FAM114A1: variants seen among roughly 807,000 people sequenced by gnomAD.
FAM114A1 encodes the protein protein NOXP20.
Under a neutral mutation model 64.3 loss-of-function variants are expected in FAM114A1, and 62 were observed. The observed-to-expected ratio is 0.96, with a 90% CI of 0.79 to 1.19. FAM114A1 has a LOEUF of 1.19. Ranked by LOEUF, FAM114A1 falls within the 50% of genes most tolerant of loss-of-function variation. The pLI is 0.00. For synonymous variants in FAM114A1, 254 were observed against 251.1 expected (o/e 1.01, Z -0.11); for missense variants, 645 against 676.3 (o/e 0.95, Z 0.51).
At chr4:38,933,789 GA>G (rs1363768899) in intron 12 of FAM114A1, among the ~76,000 whole-genome samples, 2 of 152,118 alleles carry the variant, frequency 1.3e-5, no homozygotes, top group South Asian at 2.1e-4. Flanking sequence ...TAGAGCCCCT[GA>G]AAATATCCAG....
intron 8 of FAM114A1, among the ~76,000 whole-genome samples, chr4:38,921,666 G>A (rs1298500042): frequency 6.6e-6 from 1 of 152,192 alleles, no homozygotes; most frequent in South Asian, 2.1e-4. Context: ...CCTCTGTGAA[G>A]CCCTCCCTGT....
chr4:38,941,996 T>C (rs574675863), intron 14 of FAM114A1, among the ~76,000 whole-genome samples: 7 of 152,128 alleles, frequency 4.6e-5, no homozygotes, highest in African/African-American at 1.4e-4. Context: ...GTCATGGTGG[T>C]AGGTGAAAGG....
chr4:38,913,405 T>G (rs1222026446), intron 7 of FAM114A1, among the ~76,000 whole-genome samples: 1 of 152,188 alleles, frequency 6.6e-6, no homozygotes, highest in Non-Finnish European at 1.5e-5. Flanking sequence ...TTCTTTTTTG[T>G]TTTTTTGTTT....
chr4:38,873,762 G>C (rs931285241), intron 2 of FAM114A1, among the ~76,000 whole-genome samples: 5 of 152,120 alleles, frequency 3.3e-5, no homozygotes. Flanking sequence ...TCTCATTTAA[G>C]GTTTTATAGG....
chr4:38,912,080 C>T lies in FAM114A1; in HGVS notation c.793-2841C>T, dbSNP rs541229411. On this transcript the variant is annotated intron_variant, in intron 7 of 14. Transcript: ENST00000358869. Reference sequence around the variant, plus strand: ...TTCACCATGTTGGCCAGGCTGGTCCCGAACTCCTGACCTCAAGTGATCCAC... The same window carrying T: ...TTCACCATGTTGGCCAGGCTGGTCCTGAACTCCTGACCTCAAGTGATCCAC... 8.0e-4 allele frequency among the ~76,000 whole-genome samples: 122 copies of T among 151,602 alleles called. 1 individual carries two copies. Among genetic ancestry groups the T allele is most frequent in the African/African-American group, 2.8e-3 (116 of 41,320 alleles).
chr4:38,899,397 G>A (rs961607353), intron 4 of FAM114A1, among the ~76,000 whole-genome samples: 2 of 152,070 alleles, frequency 1.3e-5, no homozygotes, highest in African/African-American at 4.8e-5. Context: ...TAGTCTTGGT[G>A]GAACCAACTC....
At chr4:38,917,799 G>T (rs1372377794) in intron 8 of FAM114A1, among the ~76,000 whole-genome samples, 1 of 152,184 alleles carries the variant, frequency 6.6e-6, no homozygotes, top group Non-Finnish European at 1.5e-5. Context: ...GAGGGGAACA[G>T]TTTGCCCATT....
chr4:38,927,412 G>A (rs1720223152), intron 9 of FAM114A1, among the ~76,000 whole-genome samples: 1 of 152,090 alleles, frequency 6.6e-6, no homozygotes, highest in Non-Finnish European at 1.5e-5. Context: ...ATGGTGGAAG[G>A]GACCAGCTAG....
At chr4:38,896,979 T>C (rs1717001010) in intron 4 of FAM114A1, among the ~76,000 whole-genome samples, 1 of 152,144 alleles carries the variant, frequency 6.6e-6, no homozygotes, top group Admixed American at 6.5e-5. Context: ...GAGCTGTCAA[T>C]TGAGCACTAG....
In FAM114A1 at chr4:38,941,001, A is replaced by G; in HGVS notation, c.1570A>G (p.Ile524Val). 14 of 1,614,040 alleles carry G rather than the reference A, an allele frequency of 8.7e-6. No homozygotes were observed. The highest frequency in any genetic ancestry group is 1.2e-5 in the Non-Finnish European group (14 of 1,179,978). The change falls in exon 14 of 15, where the codon ATC (isoleucine) becomes GTC (valine). Residue 524 changes from isoleucine to valine, a missense_variant. By Grantham distance (29) the Ile-to-Val change is conservative. Transcript: ENST00000358869. ...GAAGGCCGAGGTCCTTAACCCCATG[A>G]TCAGTAGTGTATTGTTAGAGGTAAG... is the stretch of plus-strand genomic sequence containing the variant. ...NKKAEVLNPM[I>V]SSVLLEGCNS... is the part of the protein sequence containing the mutation.
rs566206683 is a variant in FAM114A1 at position 38,941,162 on chromosome 4, G to C, written c.1590+141G>C. On this transcript the variant is annotated intron_variant, in intron 14 of 14. Coordinates refer to ENST00000358869, the MANE Select transcript of FAM114A1 (RefSeq NM_138389.4). ...CATCAGGTCTTTTTTGAGTAAATTT[G>C]TGTAGCTCAACCAGCTGTAAACCCT... is the stretch of plus-strand genomic sequence containing the variant. The C allele has an allele frequency of 7.2e-6, 5 of 699,156 alleles. No individual in the cohort carries two copies. In the South Asian group the frequency reaches 9.8e-5, roughly 14 times the overall value. 43.3% of individuals were successfully genotyped at this position (699,156 alleles called of 1,614,324 possible).
rs570364266 is a variant in FAM114A1, at chr4:38,873,910, G to T, written c.-8-4161G>T. 7.2e-5 allele frequency among the ~76,000 whole-genome samples: 11 copies of T among 152,296 alleles called. No individual in the cohort carries two copies. In the East Asian group the frequency reaches 2.1e-3, roughly 29 times the overall value. On this transcript the variant is annotated intron_variant, in intron 2 of 14. Transcript: ENST00000358869. The stretch of plus-strand genomic sequence containing the variant: ...TGAGCAGGAGAGCCATGTAATTAGA[G>T]CCGTGAGGTGAAGGATGGGAAGTAA...
In FAM114A1 at chr4:38,943,563, C is replaced by A; in HGVS notation, c.*6C>A. 6.2e-7 allele frequency: 1 copy of A among 1,612,826 alleles called. No homozygotes were observed. The highest frequency in any genetic ancestry group is 8.5e-7 in the Non-Finnish European group (1 of 1,179,140). ...GTTTGAAAGCACAGCCGTGACCTGG[C>A]CAGACTCCATCTAGTTAAAGGAGAC... On this transcript the variant is annotated 3_prime_UTR_variant, in exon 15 of 15. Transcript: ENST00000358869.
chr4:38,897,239 G>GA (rs1717028249), intron 4 of FAM114A1, among the ~76,000 whole-genome samples: 1 of 152,158 alleles, frequency 6.6e-6, no homozygotes, highest in African/African-American at 2.4e-5. Flanking sequence ...TCTTTGTATG[G>GA]AAAAACGTGG....
rs973066193 is a variant in FAM114A1, at chr4:38,929,345, C to T, written c.1161+12C>T. The T allele has an allele frequency of 6.3e-7, 1 of 1,592,704 alleles. No individual in the cohort carries two copies. ...ACAAACTCAATAAGGTCAGCACTGT[C>T]TGATTTATAGTTTCTGGTTAAAAAA... On this transcript the variant is annotated intron_variant, in intron 10 of 14. Transcript: ENST00000358869.
chr4:38,886,260 C>T (rs1294776080), intron 3 of FAM114A1, among the ~76,000 whole-genome samples: 5 of 151,718 alleles, frequency 3.3e-5, no homozygotes, highest in Non-Finnish European at 7.4e-5. Flanking sequence ...CAACCTCCGC[C>T]TCCTGGGTTT....
chr4:38,919,629 G>T (rs1029758278), intron 8 of FAM114A1, among the ~76,000 whole-genome samples: 4 of 152,216 alleles, frequency 2.6e-5, no homozygotes, highest in African/African-American at 9.6e-5. Context: ...TAAAGGCAGT[G>T]TTGGATTTCC....
intron 4 of FAM114A1, among the ~76,000 whole-genome samples, chr4:38,898,228 G>C (rs553905869): frequency 2.0e-4 from 30 of 152,286 alleles, no homozygotes; most frequent in African/African-American, 7.2e-4. Flanking sequence ...TCTTATGCAA[G>C]AGTACCTGAG....
chr4:38,929,548 C>T (rs890535864), intron 10 of FAM114A1, among the ~76,000 whole-genome samples: 4 of 152,294 alleles, frequency 2.6e-5, no homozygotes, highest in East Asian at 1.9e-4. Context: ...GAGGCCAAGG[C>T]GGGTGGATCA....
Sources: allele counts gnomAD v4.1 joint callset (sites outside exome capture counted in the v4.1 genomes callset), GRCh38; gene constraint gnomAD v4.1.1; transcripts MANE v1.5; gene names NCBI Gene and HGNC (gene_info 2026-07-23, HGNC 2026-07-21).